The following GABRG2 variants were observed in gnomAD, a reference collection of about 807,000 sequenced individuals.
GABRG2 encodes the protein gamma-aminobutyric acid receptor subunit gamma-2.
In GABRG2, 16 loss-of-function variants were observed where a neutral mutation model predicts 56.4. The observed-to-expected ratio is 0.28, with a 90% CI of 0.19 to 0.43. The LOEUF (loss-of-function observed/expected upper bound fraction) is 0.43, where lower values mean the gene tolerates loss of function less well. GABRG2 is among the 20% of genes least tolerant of loss of function. The pLI is 1.00. For synonymous variants in GABRG2, 208 were observed against 205.5 expected, an observed-to-expected ratio of 1.01 and a Z score of -0.10; for missense variants, 327 against 582.7, an observed-to-expected ratio of 0.56 and a Z score of 4.52.
In GABRG2 at chr5:162,111,441, A is replaced by G. The variant is rs1398522236; in HGVS notation, c.769+7415A>G. 3.3e-5 allele frequency among the ~76,000 whole-genome samples: 5 copies of G among 152,256 alleles called. No homozygotes were observed. The South Asian group carries it at 1.0e-3, about 32-fold the overall frequency. ...TAAGGGGCGGAGGGAGATGGCATAG[A>G]GAAGTTCTGTGAAATCAAAGGAAAA... On this transcript the variant is annotated intron_variant, in intron 6 of 9. Transcript: ENST00000639213.
At chr5:162,078,401 T>G (rs796294870) in intron 1 of GABRG2, among the ~76,000 whole-genome samples, 1 of 83,690 alleles carries the variant, frequency 1.2e-5, no homozygotes, top group African/African-American at 4.9e-5. Flanking sequence ...ATATATATTT[T>G]TTTTTTTTTT....
intron 8 of GABRG2, 179 bp downstream of exon 8, chr5:162,149,492 C>G: frequency 1.4e-6 from 1 of 732,566 alleles, no homozygotes; most frequent in Non-Finnish European, 2.5e-6. Context: ...GAGAGAGACT[C>G]AAGTCTGTTT....
chr5:162,115,126 G>T (rs1321051430), intron 6 of GABRG2, among the ~76,000 whole-genome samples: 1 of 152,108 alleles, frequency 6.6e-6, no homozygotes, highest in Non-Finnish European at 1.5e-5. Flanking sequence ...ATAGAGCTCT[G>T]CATACCCTAT....
intron 6 of GABRG2, among the ~76,000 whole-genome samples, chr5:162,139,749 C>T (rs1017205954): frequency 6.6e-6 from 1 of 152,170 alleles, no homozygotes; most frequent in Non-Finnish European, 1.5e-5. Context: ...TTATTTAAAA[C>T]ATGATAATTC....
Position 162,075,291 on chromosome 5 carries a change from T to C in GABRG2, c.107+7185T>C, listed in dbSNP as rs779184133. Among the ~76,000 whole-genome samples the C allele has an allele frequency of 1.1e-3, 172 of 152,274 alleles. 1 individual carries two copies. The highest frequency in any genetic ancestry group is 3.4e-3 in the Middle Eastern group (1 of 294). On this transcript the variant is annotated intron_variant, in intron 1 of 9. Transcript: ENST00000639213. ...ACATTGTGTTCCCTGTGCAATGTGT[T>C]TCACATATCCACTGATTAACTCACC...
chr5:162,085,752 C>T (rs1481743003), intron 1 of GABRG2, among the ~76,000 whole-genome samples: 1 of 151,742 alleles, frequency 6.6e-6, no homozygotes, highest in African/African-American at 2.4e-5. Context: ...CTGAAAGGCC[C>T]CAGTGTGTGT....
chr5:162,091,136 T>C (rs900034641), intron 1 of GABRG2, among the ~76,000 whole-genome samples: 1 of 152,060 alleles, frequency 6.6e-6, no homozygotes, highest in African/African-American at 2.4e-5. Flanking sequence ...ATGGCCATTA[T>C]TTTTCTTCCT....
intron 6 of GABRG2, among the ~76,000 whole-genome samples, chr5:162,137,730 C>A (rs1221292298): frequency 1.3e-5 from 2 of 151,704 alleles, no homozygotes; most frequent in East Asian, 1.9e-4. Flanking sequence ...TTCTTTATTT[C>A]TTTTTTTCTT....
chr5:162,086,406 T>C (rs1035378091), intron 1 of GABRG2, among the ~76,000 whole-genome samples: 2 of 152,108 alleles, frequency 1.3e-5, no homozygotes, highest in African/African-American at 4.8e-5. Context: ...AATGCTCTGC[T>C]TTTAACCTCC....
chr5:162,101,369 G>C (rs756432734), intron 5 of GABRG2, 52 bp downstream of exon 5: 1 of 1,181,776 alleles, frequency 8.5e-7, no homozygotes, highest in Non-Finnish European at 1.3e-6. Flanking sequence ...CAGTCTTTCT[G>C]ATTGCCATGT....
At chr5:162,105,997 G>A (rs1761799827) in intron 6 of GABRG2, among the ~76,000 whole-genome samples, 1 of 152,030 alleles carries the variant, frequency 6.6e-6, no homozygotes, top group African/African-American at 2.4e-5. Flanking sequence ...GTTGTTTTGA[G>A]CCCAAGAGTG....
chr5:162,088,209 C>T (rs2268582), intron 1 of GABRG2, among the ~76,000 whole-genome samples: 17,058 of 152,038 alleles, frequency 0.11, 1,028 homozygotes, highest in Middle Eastern at 0.17. Context: ...AAAGAGTAGC[C>T]AGTCCTCCTG....
intron 6 of GABRG2, among the ~76,000 whole-genome samples, chr5:162,107,135 T>C (rs1269076749): frequency 1.3e-5 from 2 of 152,158 alleles, no homozygotes; most frequent in Non-Finnish European, 2.9e-5. Flanking sequence ...ATCAGCTTGA[T>C]AGGGGTAGTG....
At chr5:162,088,715 T>C (rs1193049839) in intron 1 of GABRG2, among the ~76,000 whole-genome samples, 1 of 152,090 alleles carries the variant, frequency 6.6e-6, no homozygotes, top group African/African-American at 2.4e-5. Context: ...CTCAAAGCCG[T>C]GAAGAATAAT....
intron 6 of GABRG2, among the ~76,000 whole-genome samples, chr5:162,126,331 C>G (rs374898054): frequency 5.3e-5 from 8 of 151,926 alleles, no homozygotes; most frequent in African/African-American, 1.9e-4. Context: ...ATGTTTATCA[C>G]AGTGTGCAAT....
chr5:162,130,638 T>C (rs2113534385), intron 6 of GABRG2, among the ~76,000 whole-genome samples: 1 of 152,154 alleles, frequency 6.6e-6, no homozygotes, highest in Admixed American at 6.6e-5. Flanking sequence ...ATTAATGACA[T>C]TTCTCTCTTT....
intron 6 of GABRG2, among the ~76,000 whole-genome samples, chr5:162,109,420 A>ATATATATTTATT (rs1424412323): frequency 4.6e-4 from 53 of 116,116 alleles, no homozygotes; most frequent in African/African-American, 1.0e-3. Context: ...ATATATATAT[A>ATATATATTTATT]TATTTATTTA....
intron 6 of GABRG2, among the ~76,000 whole-genome samples, chr5:162,138,023 G>C (rs1159334976): frequency 1.3e-5 from 2 of 151,784 alleles, no homozygotes; most frequent in African/African-American, 2.4e-5. Flanking sequence ...TGCTCCCCAA[G>C]TGAGGGGATT....
At position 162,102,759 on chromosome 5, in the gene GABRG2, T is replaced by G; in HGVS notation, c.632-1130T>G. ...TTGCCCAAGCTGGATATTATCACTG[T>G]TTTCCTCAATTTTCATCACATACTA... is the stretch of plus-strand genomic sequence containing the variant. On this transcript the variant is annotated intron_variant, in intron 5 of 9. Transcript: ENST00000639213. 8.5e-6 allele frequency: 3 copies of G among 352,662 alleles called. No homozygotes were observed. The Admixed American group carries it at 1.0e-4, about 12-fold the overall frequency. The allele number at this position is 352,662 out of a possible 1,614,324, so 21.8% of individuals were successfully genotyped here.
Sources: gnomAD v4.1 joint callset for allele counts (sites outside exome capture counted in the v4.1 genomes callset) on GRCh38, gnomAD v4.1.1 for gene constraint, MANE v1.5 for transcripts, NCBI Gene and HGNC (gene_info 2026-07-23, HGNC 2026-07-21) for gene names.